Variants in THSD7A observed in about 807,000 individuals in gnomAD.
The protein encoded by THSD7A is thrombospondin type 1 domain containing 7A.
Under a neutral mutation model 231.3 loss-of-function variants are expected in THSD7A, and 96 were observed. The ratio of observed to expected loss-of-function variants is 0.41; its 90% CI spans 0.35 to 0.49. The LOEUF is 0.49. THSD7A is among the 20% of genes least tolerant of loss of function. The pLI, the probability that THSD7A is intolerant of heterozygous loss-of-function variation, is 0.05. For missense variants in THSD7A, 2,290 were observed against 2,070.2 expected, an observed-to-expected ratio of 1.11 and a Z score of -2.06; for synonymous variants, 940 against 743.3, an observed-to-expected ratio of 1.26 and a Z score of -4.30.
chr7:11,798,364 G>A (rs369399989), intron 1 of THSD7A, among the ~76,000 whole-genome samples: 35 of 152,000 alleles, frequency 2.3e-4, no homozygotes, highest in African/African-American at 7.7e-4. Flanking sequence ...CTAGATACTC[G>A]GGAGGCTGAG....
chr7:11,794,790 T>C (rs1784073107), intron 1 of THSD7A, among the ~76,000 whole-genome samples: 1 of 151,994 alleles, frequency 6.6e-6, no homozygotes, highest in South Asian at 2.1e-4. Flanking sequence ...ATATGTGCCA[T>C]GTTTGCCTTC....
intron 1 of THSD7A, among the ~76,000 whole-genome samples, chr7:11,796,497 T>C (rs1220527087): frequency 6.6e-6 from 1 of 152,052 alleles, no homozygotes; most frequent in Non-Finnish European, 1.5e-5. Context: ...ATTTTTCTAA[T>C]ATTAAAATTT....
intron 23 of THSD7A, among the ~76,000 whole-genome samples, chr7:11,391,155 T>G (rs1782965134): frequency 6.6e-6 from 1 of 152,226 alleles, no homozygotes; most frequent in African/African-American, 2.4e-5. Flanking sequence ...TTCAGAGCCA[T>G]CAGGCAGGGA....
chr7:11,375,941 T>C, intron 27 of THSD7A, 63 bp from the exon 28 acceptor site: 1 of 1,515,604 alleles, frequency 6.6e-7, no homozygotes, highest in Non-Finnish European at 9.1e-7. Flanking sequence ...TTGATTGCTT[T>C]AAGCGAAAAA....
intron 1 of THSD7A, among the ~76,000 whole-genome samples, chr7:11,829,055 T>C (rs1785110103): frequency 6.6e-6 from 1 of 152,094 alleles, no homozygotes; most frequent in African/African-American, 2.4e-5. Flanking sequence ...TCCTTGTCTC[T>C]AGCTTACTTT....
At chr7:11,517,127 A>G (rs975358011) in intron 6 of THSD7A, among the ~76,000 whole-genome samples, 5 of 152,164 alleles carry the variant, frequency 3.3e-5, no homozygotes, top group South Asian at 2.1e-4. Context: ...TGCCTGGGCT[A>G]GAGTTCAGTG....
At chr7:11,506,037 G>A (rs915109417) in intron 6 of THSD7A, among the ~76,000 whole-genome samples, 1 of 152,160 alleles carries the variant, frequency 6.6e-6, no homozygotes, top group Non-Finnish European at 1.5e-5. Context: ...ATTGTCCAGA[G>A]GTGGCACAGT....
rs1389493929 is a variant in THSD7A at position 11,376,601 on chromosome 7, T to C, written c.4858A>G (p.Ile1620Val). 2 of 1,588,108 alleles carry C rather than the reference T, an allele frequency of 1.3e-6. No homozygotes were observed. Among genetic ancestry groups the C allele is most frequent in the African/African-American group, 1.3e-5 (1 of 74,172 alleles). The change falls in exon 27 of 28, where the codon ATC (isoleucine) becomes GTC (valine). Residue 1620 changes from isoleucine (I) to valine (V), a missense_variant. By Grantham distance (29) the Ile-to-Val change is conservative. Transcript: ENST00000423059. ...AGATAAATCATGGAGACAATAAAGATGAGTAACACAAATGCCCCAGCTGCT... is the reference window on the plus strand; with the variant it reads ...AGATAAATCATGGAGACAATAAAGACGAGTAACACAAATGCCCCAGCTGCT... ...GVAAGAFVLLIFIVSMIYLAC... is the reference protein window; with the variant it reads ...GVAAGAFVLLVFIVSMIYLAC...
intron 1 of THSD7A, among the ~76,000 whole-genome samples, chr7:11,719,560 A>G (rs1041579452): frequency 3.3e-5 from 5 of 151,628 alleles, no homozygotes; most frequent in African/African-American, 1.2e-4. Context: ...CCATGTCCAC[A>G]TGCAACACAT....
In THSD7A at chr7:11,718,844, G is replaced by A. The variant is rs534401350; in HGVS notation, c.191-81883C>T. On this transcript the variant is annotated intron_variant, in intron 1 of 27. Coordinates refer to ENST00000423059, the MANE Select transcript of THSD7A (RefSeq NM_015204.3). ...ATAAGACAAAAAGTTTGGGCATGCA[G>A]AACTTTGAATTTTATTACAGTATTT... Among the ~76,000 whole-genome samples, 207 of 151,644 alleles carry A rather than the reference G, an allele frequency of 1.4e-3. 1 individual carries two copies. The highest frequency in any genetic ancestry group is 2.4e-3 in the Non-Finnish European group (161 of 67,756).
chr7:11,713,245 A>G (rs773682067), intron 1 of THSD7A, among the ~76,000 whole-genome samples: 4 of 151,300 alleles, frequency 2.6e-5, no homozygotes, highest in Admixed American at 6.6e-5. Flanking sequence ...TCCTCAAAAA[A>G]GATAAGGACT....
At chr7:11,509,558 C>A (rs917833334) in intron 6 of THSD7A, among the ~76,000 whole-genome samples, 1 of 151,768 alleles carries the variant, frequency 6.6e-6, no homozygotes, top group South Asian at 2.1e-4. Flanking sequence ...TAAGGCCGGG[C>A]GCGGTGGCTC....
chr7:11,532,100 A>G (rs1245358802), intron 6 of THSD7A, among the ~76,000 whole-genome samples: 2 of 152,050 alleles, frequency 1.3e-5, no homozygotes, highest in Non-Finnish European at 2.9e-5. Context: ...GAGACCACCT[A>G]GAAAAGATGC....
intron 22 of THSD7A, among the ~76,000 whole-genome samples, chr7:11,405,920 CAT>C (rs754823358): frequency 9.9e-5 from 15 of 152,064 alleles, no homozygotes; most frequent in Non-Finnish European, 2.1e-4. Context: ...TGTTTTTAGC[CAT>C]TATGTATTTA....
At chr7:11,786,702 T>G (rs1400765913) in intron 1 of THSD7A, among the ~76,000 whole-genome samples, 1 of 151,296 alleles carries the variant, frequency 6.6e-6, no homozygotes, top group Non-Finnish European at 1.5e-5. Flanking sequence ...TAGTATGGGT[T>G]TTGTTACTTG....
chr7:11,627,140 G>C (rs1469879842), intron 2 of THSD7A, among the ~76,000 whole-genome samples: 2 of 152,038 alleles, frequency 1.3e-5, no homozygotes, highest in Non-Finnish European at 2.9e-5. Context: ...GGTTAACGTT[G>C]CATCTTTCTT....
chr7:11,471,251 AAAC>A (rs1408885197), intron 8 of THSD7A, among the ~76,000 whole-genome samples: 1 of 152,024 alleles, frequency 6.6e-6, no homozygotes, highest in African/African-American at 2.4e-5. Context: ...AAAATAATCT[AAAC>A]AACTAGTATA....
chr7:11,568,600 G>C (rs1359086821), intron 4 of THSD7A, among the ~76,000 whole-genome samples: 1 of 109,504 alleles, frequency 9.1e-6, no homozygotes, highest in Non-Finnish European at 1.7e-5. Context: ...ACTCCAACCT[G>C]AGTGACAGAG....
chr7:11,734,351 T>G (rs910644204), intron 1 of THSD7A, among the ~76,000 whole-genome samples: 3 of 151,894 alleles, frequency 2.0e-5, no homozygotes, highest in African/African-American at 7.2e-5. Context: ...AAAAATAAAG[T>G]GCAAATTACT....
Sources: allele counts gnomAD v4.1 joint callset (sites outside exome capture counted in the v4.1 genomes callset), GRCh38; gene constraint gnomAD v4.1.1; transcripts MANE v1.5; gene names NCBI Gene and HGNC (gene_info 2026-07-23, HGNC 2026-07-21).